BCKDHB: variants seen among roughly 807,000 people sequenced by gnomAD.
The protein encoded by BCKDHB is 2-oxoisovalerate dehydrogenase subunit beta, mitochondrial.
A neutral mutation model predicts 48.5 loss-of-function variants in BCKDHB; 41 were observed. The observed-to-expected ratio is 0.85, with a 90% CI of 0.66 to 1.10. BCKDHB has a LOEUF of 1.10. Among genes scored for constraint, BCKDHB ranks in the 50% least tolerant of loss-of-function variants. The probability of loss-of-function intolerance (pLI) is 0.00; values close to 1 mark genes in which losing one functional copy is unlikely to be tolerated. For synonymous variants in BCKDHB, 201 were observed against 174.8 expected (o/e 1.15, Z -1.18); for missense variants, 496 against 494.2 (o/e 1.00, Z -0.03).
At chr6:80,230,720 C>T (rs370675074) in intron 8 of BCKDHB, among the ~76,000 whole-genome samples, 7 of 152,120 alleles carry the variant, frequency 4.6e-5, no homozygotes, top group African/African-American at 1.7e-4. Context: ...GAGGTGCCTG[C>T]ATCTGGCAAG....
At chr6:80,431,753 G>GA in the BCKDHB span, among the ~76,000 whole-genome samples, 5 of 152,174 alleles carry the variant, frequency 3.3e-5, no homozygotes, top group Non-Finnish European at 7.3e-5. Context: ...ACAGCACACT[G>GA]ATGGGTCTTG....
At chr6:80,416,963 C>T in the BCKDHB span, among the ~76,000 whole-genome samples, 2 of 151,854 alleles carry the variant, frequency 1.3e-5, no homozygotes, top group Admixed American at 1.3e-4. Context: ...GTTAAAATCT[C>T]CCGCTGTCAT....
At chr6:80,156,463 T>C (rs1227935630) in intron 3 of BCKDHB, among the ~76,000 whole-genome samples, 1 of 152,138 alleles carries the variant, frequency 6.6e-6, no homozygotes, top group Non-Finnish European at 1.5e-5. Flanking sequence ...TTACATTTTT[T>C]AATAGAGCAA....
At chr6:80,292,537 A>G (rs768744634) in intron 9 of BCKDHB, among the ~76,000 whole-genome samples, 21 of 152,142 alleles carry the variant, frequency 1.4e-4, no homozygotes, top group Non-Finnish European at 2.6e-4. Flanking sequence ...ATGACGTGGG[A>G]ATTATGGAAC....
chr6:80,442,324 C>T, the BCKDHB span, among the ~76,000 whole-genome samples: 1 of 152,032 alleles, frequency 6.6e-6, no homozygotes, highest in Admixed American at 6.6e-5. Flanking sequence ...ACATGTAGAC[C>T]ATATAATACT....
At chr6:80,293,906 T>C (rs1441935896) in intron 9 of BCKDHB, among the ~76,000 whole-genome samples, 1 of 152,176 alleles carries the variant, frequency 6.6e-6, no homozygotes, top group Non-Finnish European at 1.5e-5. Flanking sequence ...GTTTACACCA[T>C]TTCCCAACAA....
chr6:80,159,158 A>G (rs1186769705), intron 3 of BCKDHB, among the ~76,000 whole-genome samples: 1 of 152,202 alleles, frequency 6.6e-6, no homozygotes, highest in Non-Finnish European at 1.5e-5. Flanking sequence ...AGCCTGTTGA[A>G]AATCAGTTAG....
chr6:80,203,063 T>G (rs1352504415), intron 7 of BCKDHB, 39 bp from the exon 8 acceptor site: 2 of 1,417,924 alleles, frequency 1.4e-6, no homozygotes, highest in Non-Finnish European at 2.0e-6. Flanking sequence ...GGCTAGAACC[T>G]TTGTAGTCAT....
the BCKDHB span, among the ~76,000 whole-genome samples, chr6:80,423,550 A>C: frequency 6.6e-6 from 1 of 152,162 alleles, no homozygotes. Flanking sequence ...TGGGTTACAT[A>C]GTTATCCCAC....
intron 9 of BCKDHB, among the ~76,000 whole-genome samples, chr6:80,328,325 G>A (rs762089489): frequency 3.3e-5 from 5 of 152,252 alleles, no homozygotes; most frequent in South Asian, 4.2e-4. Context: ...GTGTACACTG[G>A]CAGTGTGGCT....
At chr6:80,355,973 A>T in the BCKDHB span, 1 of 152,206 alleles carries the variant, frequency 6.6e-6, no homozygotes, top group Non-Finnish European at 1.5e-5. Context: ...TCTTGTTGAG[A>T]TACAGGGATC....
intron 9 of BCKDHB, among the ~76,000 whole-genome samples, chr6:80,306,340 A>G (rs1178406059): frequency 2.6e-5 from 4 of 152,234 alleles, no homozygotes. Context: ...TAGGAGGTCA[A>G]ATAACTATCA....
intron 9 of BCKDHB, among the ~76,000 whole-genome samples, chr6:80,274,159 A>G (rs2046947806): frequency 6.6e-6 from 1 of 152,008 alleles, no homozygotes; most frequent in South Asian, 2.1e-4. Flanking sequence ...GTAAACAATG[A>G]TTTTTACCAA....
chr6:80,441,815 C>T, the BCKDHB span, among the ~76,000 whole-genome samples: 4 of 152,092 alleles, frequency 2.6e-5, no homozygotes, highest in Non-Finnish European at 5.9e-5. Flanking sequence ...GTGCCAGGCA[C>T]TGCATTTAGA....
chr6:80,266,269 A>G (rs1232295120), intron 8 of BCKDHB, among the ~76,000 whole-genome samples: 1 of 152,122 alleles, frequency 6.6e-6, no homozygotes, highest in African/African-American at 2.4e-5. Context: ...TTAAAAACTG[A>G]TGGAAAAGAG....
intron 3 of BCKDHB, among the ~76,000 whole-genome samples, chr6:80,154,659 C>CT (rs1411994780): frequency 6.6e-6 from 1 of 151,910 alleles, no homozygotes; most frequent in Admixed American, 6.6e-5. Flanking sequence ...TTATTTTATA[C>CT]TTTAAGATTT....
the BCKDHB span, among the ~76,000 whole-genome samples, chr6:80,390,346 A>G: frequency 1.3e-5 from 2 of 152,132 alleles, no homozygotes; most frequent in African/African-American, 4.8e-5. Context: ...CGACCTACTG[A>G]GGTGCTTGCT....
At chr6:80,412,714 G>A in the BCKDHB span, among the ~76,000 whole-genome samples, 3 of 152,140 alleles carry the variant, frequency 2.0e-5, no homozygotes, top group South Asian at 2.1e-4. Context: ...CAGGCCTGGT[G>A]TGACCAACTC....
the BCKDHB span, among the ~76,000 whole-genome samples, chr6:80,421,921 A>G: frequency 2.4e-3 from 367 of 152,352 alleles, 3 homozygotes; most frequent in African/African-American, 8.1e-3. Flanking sequence ...GGTAGAAAAG[A>G]AAAACCCATT....
Sources: gnomAD v4.1 joint callset for allele counts (sites outside exome capture counted in the v4.1 genomes callset) on GRCh38, gnomAD v4.1.1 for gene constraint, MANE v1.5 for transcripts, NCBI Gene and HGNC (gene_info 2026-07-23, HGNC 2026-07-21) for gene names.